RAB40C: variants seen among roughly 807,000 people sequenced by gnomAD.
RAB40C encodes the protein RAB40C, member RAS oncogene family.
Under a neutral mutation model 28.1 loss-of-function variants are expected in RAB40C, and 8 were observed. That is an observed-to-expected ratio of 0.28 (90% CI 0.17 to 0.51). The LOEUF is 0.51. Among genes scored for constraint, RAB40C ranks in the 20% least tolerant of loss-of-function variants. The pLI, the probability that RAB40C is intolerant of heterozygous loss-of-function variation, is 0.97. For missense variants in RAB40C, 288 were observed against 405.9 expected (o/e 0.71, Z 2.50); for synonymous variants, 201 against 171.7 (o/e 1.17, Z -1.34).
At chr16:589,984 C>A, upstream of RAB40C, 2 of 84,654 alleles carry the variant, frequency 2.4e-5, no homozygotes, top group South Asian at 6.7e-4. Flanking sequence ...GCGGGGAAGT[C>A]GTGACGGACG....
Position 627,565 on chromosome 16 carries a change from C to A in RAB40C, c.789C>A (p.Ile263=). Residue 263 remains isoleucine (I), a synonymous_variant, in exon 6 of 6, where the codon ATC becomes ATA. Transcript: ENST00000248139. ...ACAGCCTCAAGAGGTCCAAGTCCAT[C>A]CGTCCACCCCAGAGCCCCCCCCAGA... ...KGNSLKRSKS[I]RPPQSPPQNC... 6.2e-7 allele frequency: 1 copy of A among 1,612,282 alleles called. No homozygotes were observed. Among genetic ancestry groups the A allele is most frequent in the South Asian group, 1.1e-5 (1 of 90,982 alleles).
intron 1 of RAB40C, chr16:616,963 G>A (rs2036598151): frequency 1.9e-6 from 1 of 535,352 alleles, no homozygotes; most frequent in East Asian, 3.1e-5. Context: ...GCCTGACACT[G>A]TATGGACCAC....
At chr16:617,103 C>A (rs2036602305) in intron 1 of RAB40C, 105 bp from the exon 2 acceptor site, 9 of 1,218,392 alleles carry the variant, frequency 7.4e-6, no homozygotes, top group Non-Finnish European at 1.1e-5. Context: ...TGCTTCTCCA[C>A]TTCCGCGTGG....
At chr16:595,120 C>T (rs921937120) in intron 1 of RAB40C, among the ~76,000 whole-genome samples, 3 of 152,190 alleles carry the variant, frequency 2.0e-5, no homozygotes, top group Non-Finnish European at 2.9e-5. Flanking sequence ...TGCCTTTCCT[C>T]TGTGAGGTGC....
At position 629,209 on chromosome 16, in the gene RAB40C, C is replaced by T. The variant is rs967086296; in HGVS notation, c.*1587C>T. ...CTACCCGCGCTGCTGTTAGACACTC[C>T]GCCATTCCTGGTTCTCTCCGAACCG... On this transcript the variant is annotated 3_prime_UTR_variant, in exon 6 of 6. Transcript: ENST00000248139. The T allele has an allele frequency of 2.4e-5, 6 of 253,992 alleles. No homozygotes were observed. Among genetic ancestry groups the T allele is most frequent in the African/African-American group, 4.4e-5 (2 of 45,488 alleles). The allele number at this position is 253,992 out of a possible 1,614,324, so 15.7% of individuals were successfully genotyped here. A position where few individuals can be genotyped will look rare whatever the true frequency, so the allele number is the denominator to read the frequency against.
intron 3 of RAB40C, chr16:624,821 G>A (rs1293114899): frequency 4.1e-6 from 4 of 985,344 alleles, no homozygotes; most frequent in East Asian, 1.1e-4. Flanking sequence ...CTGTGCTGCT[G>A]GAGAGCCATG....
At chr16:618,178 C>G (rs776330109) in intron 2 of RAB40C, 22 bp from the exon 3 acceptor site, 25 of 1,610,322 alleles carry the variant, frequency 1.6e-5, no homozygotes, top group Non-Finnish European at 2.0e-5. Context: ...GTCCCGGCCC[C>G]TCCCCTCCCC....
intron 3 of RAB40C, chr16:624,424 G>A (rs2384972): frequency 0.43 from 427,097 of 985,208 alleles, 93,762 homozygotes; most frequent in East Asian, 0.64. Flanking sequence ...CTCCCTCAGC[G>A]AGAGGTGTCC....
chr16:602,652 C>T (rs1218307384), intron 1 of RAB40C, among the ~76,000 whole-genome samples: 2 of 151,952 alleles, frequency 1.3e-5, no homozygotes, highest in African/African-American at 2.4e-5. Context: ...AGGCTGGTCT[C>T]GAGTTCCTGA....
chr16:592,824 A>G (rs2151057327), intron 1 of RAB40C, among the ~76,000 whole-genome samples: 1 of 152,364 alleles, frequency 6.6e-6, no homozygotes, highest in East Asian at 1.9e-4. Flanking sequence ...CCACACAGCC[A>G]GGAGCTGGAG....
At position 601,815 on chromosome 16, in the gene RAB40C, T is replaced by TAAAAAAAAAAA. The variant is rs60094426; in HGVS notation, c.142+11402_142+11412dup. Among the ~76,000 whole-genome samples the TAAAAAAAAAAA allele has an allele frequency of 9.6e-4, 26 of 27,202 alleles. 2 individuals carry two copies. Among genetic ancestry groups the TAAAAAAAAAAA allele is most frequent in the Non-Finnish European group, 1.7e-3 (24 of 14,020 alleles). 17.8% of individuals were successfully genotyped at this position (27,202 alleles called of 152,430 possible). On this transcript the variant is annotated intron_variant, in intron 1 of 5. Transcript: ENST00000248139. ...AAGGCCCTATCCCTGCAAAAAAAAG[T>TAAAAAAAAAAA]AAAAAAAAAAAAAAAAAAAAAAAAA...
At chr16:590,698 C>T (rs1022028295) in intron 1 of RAB40C, among the ~76,000 whole-genome samples, 12 of 152,122 alleles carry the variant, frequency 7.9e-5, no homozygotes, top group African/African-American at 2.7e-4. Flanking sequence ...GACGGTGTCA[C>T]GGGTCCGGGA....
Position 625,816 on chromosome 16 carries a change from C to T in RAB40C, c.343-83C>T. The T allele has an allele frequency of 2.3e-6, 3 of 1,325,938 alleles. No individual in the cohort carries two copies. The South Asian group carries it at 4.1e-5, about 18-fold the overall frequency. The allele number at this position is 1,325,938 out of a possible 1,614,324, so 82.1% of individuals were successfully genotyped here. On this transcript the variant is annotated intron_variant, in intron 4 of 5. Coordinates refer to ENST00000248139, the MANE Select transcript of RAB40C (RefSeq NM_021168.5). ...CCACGGCCCTCACCCCATCATAGTCCAGACAATGAGGGCGGGCCCTGCTGC... is the reference window on the plus strand; with the variant it reads ...CCACGGCCCTCACCCCATCATAGTCTAGACAATGAGGGCGGGCCCTGCTGC...
At chr16:607,053 G>A (rs767099159) in intron 1 of RAB40C, among the ~76,000 whole-genome samples, 1 of 152,152 alleles carries the variant, frequency 6.6e-6, no homozygotes, top group Non-Finnish European at 1.5e-5. Context: ...TCCCACTTCC[G>A]AGCCGAGGGT....
intron 1 of RAB40C, chr16:616,945 G>C (rs1381301651): frequency 6.3e-6 from 3 of 475,474 alleles, no homozygotes; most frequent in Admixed American, 6.9e-5. Flanking sequence ...AGGCTGTGGG[G>C]CCCGATGGCC....
chr16:592,289 A>G (rs1443705932), intron 1 of RAB40C, among the ~76,000 whole-genome samples: 1 of 151,510 alleles, frequency 6.6e-6, no homozygotes, highest in Non-Finnish European at 1.5e-5. Context: ...AGCATCCCCC[A>G]CTCTCTCAAC....
intron 3 of RAB40C, among the ~76,000 whole-genome samples, chr16:618,869 C>T (rs1199319627): frequency 1.8e-4 from 18 of 98,108 alleles, no homozygotes; most frequent in Non-Finnish European, 2.9e-4. Flanking sequence ...ACAGGTCTGG[C>T]GGGGGCACTG....
chr16:615,105 G>A (rs1305376708), intron 1 of RAB40C, among the ~76,000 whole-genome samples: 2 of 152,220 alleles, frequency 1.3e-5, no homozygotes, highest in African/African-American at 4.8e-5. Flanking sequence ...CTGTTGTTGA[G>A]TTGGAGTTAT....
intron 1 of RAB40C, among the ~76,000 whole-genome samples, chr16:599,303 T>C (rs1450887696): frequency 6.6e-6 from 1 of 152,220 alleles, no homozygotes; most frequent in Non-Finnish European, 1.5e-5. Context: ...CAAGGCAGTG[T>C]CAGGCTGATG....
Sources: gnomAD v4.1 joint callset for allele counts (sites outside exome capture counted in the v4.1 genomes callset) on GRCh38, gnomAD v4.1.1 for gene constraint, MANE v1.5 for transcripts, NCBI Gene and HGNC (gene_info 2026-07-23, HGNC 2026-07-21) for gene names.